FRAS1: variants seen among roughly 807,000 people sequenced by gnomAD.
FRAS1 encodes the protein extracellular matrix organizing protein FRAS1.
Under a neutral mutation model 435.2 loss-of-function variants are expected in FRAS1, and 290 were observed. The ratio of observed to expected loss-of-function variants is 0.67; its 90% CI spans 0.61 to 0.73. The LOEUF (loss-of-function observed/expected upper bound fraction) is 0.73. Ranked by LOEUF, FRAS1 falls within the 30% of genes least tolerant of loss-of-function variation. FRAS1 has a pLI of 0.00. For synonymous variants in FRAS1, 1,800 were observed against 1,851.0 expected, an observed-to-expected ratio of 0.97 and a Z score of 0.71; for missense variants, 4,860 against 5,001.5, an observed-to-expected ratio of 0.97 and a Z score of 0.85.
chr4:78,222,698 C>A (rs1578193685), intron 2 of FRAS1, among the ~76,000 whole-genome samples: 1 of 152,192 alleles, frequency 6.6e-6, no homozygotes, highest in South Asian at 2.1e-4. Flanking sequence ...GCAGCCTGCT[C>A]TTTTGTTGCG....
At chr4:78,324,334 G>A (rs544375474) in intron 18 of FRAS1, among the ~76,000 whole-genome samples, 110 of 152,124 alleles carry the variant, frequency 7.2e-4, no homozygotes, top group African/African-American at 2.3e-3. Flanking sequence ...ATTATTTGTC[G>A]TTTATCTGAA....
chr4:78,214,192 A>G (rs1723642488), intron 2 of FRAS1, among the ~76,000 whole-genome samples: 1 of 152,190 alleles, frequency 6.6e-6, no homozygotes, highest in Non-Finnish European at 1.5e-5. Context: ...CCTAGCCAGT[A>G]CACTTGTGTT....
chr4:78,155,463 C>T (rs981640608), intron 2 of FRAS1, among the ~76,000 whole-genome samples: 3 of 152,044 alleles, frequency 2.0e-5, no homozygotes, highest in African/African-American at 7.2e-5. Context: ...GGAAAGGAAA[C>T]AAAATCTAAA....
At chr4:78,519,589 C>T (rs1721325326) in intron 67 of FRAS1, 108 bp downstream of exon 67, 2 of 1,329,328 alleles carry the variant, frequency 1.5e-6, no homozygotes, top group African/African-American at 1.5e-5. Flanking sequence ...ATCCTGTTAT[C>T]CCGAAGACAA....
intron 2 of FRAS1, among the ~76,000 whole-genome samples, chr4:78,074,216 C>T (rs754546606): frequency 1.3e-5 from 2 of 152,076 alleles, no homozygotes; most frequent in African/African-American, 2.4e-5. Flanking sequence ...GATTTCATTG[C>T]TCTTTGTACC....
Position 78,508,753 on chromosome 4 carries a change from A to G in FRAS1, c.9527A>G (p.Asp3176Gly). 6.2e-7 allele frequency: 1 copy of G among 1,613,772 alleles called. No homozygotes were observed. The highest frequency in any genetic ancestry group is 8.5e-7 in the Non-Finnish European group (1 of 1,179,826). Residue 3176 changes from aspartate to glycine, a missense_variant, in exon 63 of 74, where the codon GAC (aspartate) becomes GGC (glycine). By Grantham distance (94) the Asp-to-Gly change is moderately conservative (BLOSUM62 -1). Transcript: ENST00000512123. ...PPIVVTLADY[D>G]HVEEVTKEGV... is the part of the protein sequence containing the mutation. Reference sequence around the variant, plus strand: ...CAGGTGGTCACACTTGCTGACTATGACCATGTGGAAGAAGTTACCAAGGAA... The same window carrying G: ...CAGGTGGTCACACTTGCTGACTATGGCCATGTGGAAGAAGTTACCAAGGAA...
chr4:78,284,675 A>G, intron 13 of FRAS1, 127 bp downstream of exon 13: 1 of 825,398 alleles, frequency 1.2e-6, no homozygotes, highest in South Asian at 2.2e-5. Context: ...TGTTTTTGAG[A>G]TGCACAACGT....
chr4:78,144,390 C>CA (rs1329997497), intron 2 of FRAS1, among the ~76,000 whole-genome samples: 1 of 151,930 alleles, frequency 6.6e-6, no homozygotes, highest in East Asian at 1.9e-4. Flanking sequence ...TCAAGGTCAA[C>CA]ATTGCTGTTA....
chr4:78,401,043 A>T (rs1318994886), intron 30 of FRAS1, among the ~76,000 whole-genome samples, 156 bp downstream of exon 30: 1 of 152,234 alleles, frequency 6.6e-6, no homozygotes, highest in Non-Finnish European at 1.5e-5. Context: ...CATGATAGCT[A>T]TCACACTCAA....
intron 2 of FRAS1, among the ~76,000 whole-genome samples, chr4:78,142,531 G>A (rs936495401): frequency 2.6e-5 from 4 of 152,168 alleles, no homozygotes; most frequent in Admixed American, 6.5e-5. Context: ...GATAATGAAC[G>A]GAGTTATCAG....
At chr4:78,464,388 T>C (rs2109845919) in intron 48 of FRAS1, 55 bp from the exon 49 acceptor site, 2 of 1,605,654 alleles carry the variant, frequency 1.2e-6, no homozygotes, top group African/African-American at 1.3e-5. Flanking sequence ...TACCTTGGAC[T>C]TGTTGGGTAG....
chr4:78,205,919 G>C (rs1723235323), intron 2 of FRAS1, among the ~76,000 whole-genome samples: 2 of 151,996 alleles, frequency 1.3e-5, no homozygotes, highest in African/African-American at 4.8e-5. Flanking sequence ...AAGAGGAAAA[G>C]GGTCTGTTGG....
Position 78,499,796 on chromosome 4 carries a change from A to G in FRAS1, c.9191A>G (p.Asn3064Ser). 1.2e-6 allele frequency: 2 copies of G among 1,613,892 alleles called. No individual in the cohort carries two copies. The highest frequency in any genetic ancestry group is 2.2e-5 in the East Asian group (1 of 44,876). ...PAGPDAIAIL[N>S]IKVIRRGDQN... The stretch of plus-strand genomic sequence containing the variant: ...GGCCCAGATGCCATTGCGATTCTGA[A>G]CATCAAGGTGATCCGCAGAGGGGAT... The change falls in exon 61 of 74, where the codon AAC (asparagine) becomes AGC (serine). Residue 3064 changes from asparagine (N) to serine (S), a missense_variant. By Grantham distance (46) the Asn-to-Ser change is conservative. Coordinates refer to ENST00000512123, the MANE Select transcript of FRAS1 (RefSeq NM_025074.7).
intron 45 of FRAS1, chr4:78,450,566 C>T: frequency 2.0e-6 from 1 of 491,358 alleles, no homozygotes; most frequent in Non-Finnish European, 3.6e-6. Context: ...GCATTGGTGG[C>T]ATTTGCAGCT....
At position 78,130,013 on chromosome 4, in the gene FRAS1, C is replaced by T. The variant is rs566157196; in HGVS notation, c.108+63997C>T. ...GCACTAGATTGCTGGCCTGCTCATC[C>T]TTACTGTGTCTGACTGGCAGCTCTG... On this transcript the variant is annotated intron_variant, in intron 2 of 73. Transcript: ENST00000512123. Among the ~76,000 whole-genome samples the T allele has an allele frequency of 3.3e-5, 5 of 152,276 alleles. No individual in the cohort carries two copies. In the South Asian group the frequency reaches 1.0e-3, roughly 32 times the overall value.
chr4:78,330,683 ATTAGG>A (rs1729912109), intron 18 of FRAS1, among the ~76,000 whole-genome samples: 1 of 152,224 alleles, frequency 6.6e-6, no homozygotes, highest in African/African-American at 2.4e-5. Flanking sequence ...TCCCAGGCTT[ATTAGG>A]AAGAGGAAAT....
At chr4:78,178,966 G>A (rs1721892721) in intron 2 of FRAS1, among the ~76,000 whole-genome samples, 1 of 152,204 alleles carries the variant, frequency 6.6e-6, no homozygotes, top group Non-Finnish European at 1.5e-5. Flanking sequence ...TTCGAGGGGA[G>A]CGAAGGGCAG....
intron 2 of FRAS1, among the ~76,000 whole-genome samples, chr4:78,120,836 A>C (rs1019746643): frequency 1.3e-5 from 2 of 152,208 alleles, no homozygotes; most frequent in African/African-American, 4.8e-5. Flanking sequence ...ACAAGATTTT[A>C]AGTTTGAAAC....
At chr4:78,368,613 C>T (rs1249489944) in intron 22 of FRAS1, among the ~76,000 whole-genome samples, 1 of 152,136 alleles carries the variant, frequency 6.6e-6, no homozygotes, top group East Asian at 1.9e-4. Flanking sequence ...CTGTTATTTG[C>T]TTTCATGAAG....
Sources: allele counts gnomAD v4.1 joint callset (sites outside exome capture counted in the v4.1 genomes callset), GRCh38; gene constraint gnomAD v4.1.1; transcripts MANE v1.5; gene names NCBI Gene and HGNC (gene_info 2026-07-23, HGNC 2026-07-21).